FRMD3: variants seen among roughly 807,000 people sequenced by gnomAD.
FRMD3 encodes FERM domain containing 3.
A neutral mutation model predicts 70.2 loss-of-function variants in FRMD3; 33 were observed. The observed-to-expected ratio is 0.47, with a 90% confidence interval of 0.36 to 0.63. The LOEUF is 0.63. Among genes scored for constraint, FRMD3 ranks in the 20% least tolerant of loss-of-function variants. The probability of loss-of-function intolerance (pLI) is 0.00; values close to 1 mark genes in which losing one functional copy is unlikely to be tolerated. For synonymous variants in FRMD3, 279 were observed against 255.9 expected (o/e 1.09, Z -0.86); for missense variants, 632 against 711.4 (o/e 0.89, Z 1.27).
chr9:83,428,445 T>C (rs1826876081), intron 1 of FRMD3, among the ~76,000 whole-genome samples: 1 of 151,818 alleles, frequency 6.6e-6, no homozygotes, highest in Non-Finnish European at 1.5e-5. Flanking sequence ...AATTCACACA[T>C]CCATTGACAA....
At chr9:83,372,368 ACG>A (rs778248411) in intron 3 of FRMD3, among the ~76,000 whole-genome samples, 6 of 144,668 alleles carry the variant, frequency 4.1e-5, no homozygotes, top group East Asian at 2.0e-4. Context: ...AGAGAGAGAG[ACG>A]AAAAAAAAAA....
chr9:83,397,931 T>C (rs747358667), intron 1 of FRMD3, among the ~76,000 whole-genome samples: 9 of 152,226 alleles, frequency 5.9e-5, no homozygotes, highest in Admixed American at 4.6e-4. Flanking sequence ...TAGGGACAGA[T>C]GGATACATTT....
At chr9:83,283,526 A>C (rs1834056350) in intron 13 of FRMD3, among the ~76,000 whole-genome samples, 1 of 77,830 alleles carries the variant, frequency 1.3e-5, no homozygotes, top group Admixed American at 1.6e-4. Context: ...GCGAGAATCC[A>C]TCTCAAAAAA....
At chr9:83,520,117 A>G (rs1253316268) in intron 1 of FRMD3, among the ~76,000 whole-genome samples, 2 of 152,170 alleles carry the variant, frequency 1.3e-5, no homozygotes, top group Admixed American at 6.5e-5. Context: ...CGTTCTGCAC[A>G]TGTATCCCAG....
the FRMD3 span, among the ~76,000 whole-genome samples, chr9:83,580,528 T>C: frequency 6.6e-6 from 1 of 152,104 alleles, no homozygotes; most frequent in South Asian, 2.1e-4. Flanking sequence ...AACACGTACC[T>C]CGTGATCTCA....
intron 3 of FRMD3, 104 bp downstream of exon 3, chr9:83,372,809 C>G (rs1435087438): frequency 9.6e-7 from 1 of 1,043,492 alleles, no homozygotes; most frequent in Non-Finnish European, 1.5e-6. Context: ...CCCCCCAACA[C>G]CTCTTCAACT....
intron 6 of FRMD3, among the ~76,000 whole-genome samples, chr9:83,334,969 A>G (rs888910070): frequency 6.6e-6 from 1 of 152,242 alleles, no homozygotes; most frequent in Non-Finnish European, 1.5e-5. Context: ...TGCTTAGAAC[A>G]GTGTTAGGAA....
intron 1 of FRMD3, among the ~76,000 whole-genome samples, chr9:83,522,634 G>C (rs1829599589): frequency 1.3e-5 from 2 of 150,258 alleles, no homozygotes; most frequent in Non-Finnish European, 3.0e-5. Context: ...AGCGATCTCG[G>C]CTCACTGCAA....
intron 1 of FRMD3, among the ~76,000 whole-genome samples, chr9:83,439,078 G>A (rs1244363381): frequency 6.6e-6 from 1 of 152,194 alleles, no homozygotes; most frequent in Non-Finnish European, 1.5e-5. Flanking sequence ...CCTATTCTGA[G>A]TCCCAGAGTC....
chr9:83,417,030 G>T (rs530323473), intron 1 of FRMD3, among the ~76,000 whole-genome samples: 1 of 152,154 alleles, frequency 6.6e-6, no homozygotes, highest in East Asian at 1.9e-4. Context: ...TGTTCACCAC[G>T]CAAGCAAAAA....
At chr9:83,244,005 G>GTAA (rs1554674714), downstream of FRMD3, among the ~76,000 whole-genome samples, 1 of 152,100 alleles carries the variant, frequency 6.6e-6, no homozygotes, top group African/African-American at 2.4e-5. Flanking sequence ...GTGCATGCCT[G>GTAA]TAATTCCAGC....
intron 1 of FRMD3, among the ~76,000 whole-genome samples, chr9:83,422,457 G>A (rs550667311): frequency 1.3e-5 from 2 of 152,252 alleles, no homozygotes; most frequent in South Asian, 4.1e-4. Context: ...TAAACATAAG[G>A]CGATGACAAG....
chr9:83,365,487 T>C (rs1011506563), intron 3 of FRMD3, among the ~76,000 whole-genome samples: 6 of 152,296 alleles, frequency 3.9e-5, no homozygotes, highest in African/African-American at 1.4e-4. Context: ...AAGGCAGCTA[T>C]TGTTTTAGGA....
chr9:83,512,999 C>T (rs1000452024), intron 1 of FRMD3, among the ~76,000 whole-genome samples: 1 of 152,098 alleles, frequency 6.6e-6, no homozygotes, highest in African/African-American at 2.4e-5. Flanking sequence ...AAAGACACTC[C>T]CCAAAAACCA....
chr9:83,345,177 G>A (rs1382178792), intron 4 of FRMD3, among the ~76,000 whole-genome samples: 1 of 152,192 alleles, frequency 6.6e-6, no homozygotes, highest in East Asian at 1.9e-4. Flanking sequence ...GCACTGTGCT[G>A]TGTGGGCACT....
At chr9:83,479,984 A>G (rs1251628081) in intron 1 of FRMD3, among the ~76,000 whole-genome samples, 2 of 152,198 alleles carry the variant, frequency 1.3e-5, no homozygotes, top group Admixed American at 6.5e-5. Flanking sequence ...GATCTTTTAC[A>G]TGCTTCTGGT....
Position 83,443,084 on chromosome 9 carries a change from G to A in FRMD3, c.148-53376C>T, listed in dbSNP as rs1055999774. Among the ~76,000 whole-genome samples the A allele has an allele frequency of 3.3e-5, 5 of 152,088 alleles. No homozygotes were observed. The East Asian group carries it at 7.7e-4, about 23-fold the overall frequency. On this transcript the variant is annotated intron_variant, in intron 1 of 13. Transcript: ENST00000304195. Reference sequence around the variant, plus strand: ...TGTTAGCAATGAATATCACTGTATGGGGAATCATAAATGATTCTTATTATC... The same window carrying A: ...TGTTAGCAATGAATATCACTGTATGAGGAATCATAAATGATTCTTATTATC...
chr9:83,457,175 T>C (rs1337021454), intron 1 of FRMD3, among the ~76,000 whole-genome samples: 1 of 152,164 alleles, frequency 6.6e-6, no homozygotes, highest in Non-Finnish European at 1.5e-5. Flanking sequence ...ATAAACTAAT[T>C]CAGATTGTTG....
chr9:83,248,650 G>A (rs1832251097), intron 13 of FRMD3, 134 bp from the exon 14 acceptor site: 2 of 979,466 alleles, frequency 2.0e-6, no homozygotes, highest in Non-Finnish European at 2.9e-6. Flanking sequence ...ATCCTAAGTT[G>A]TAACAAAGTC....
Sources: gnomAD v4.1 joint callset for allele counts (sites outside exome capture counted in the v4.1 genomes callset) on GRCh38, gnomAD v4.1.1 for gene constraint, MANE v1.5 for transcripts, NCBI Gene and HGNC (gene_info 2026-07-23, HGNC 2026-07-21) for gene names.